SUCLG2: variants seen among roughly 807,000 people sequenced by gnomAD.
The protein encoded by SUCLG2 is succinate--CoA ligase [GDP-forming] subunit beta, mitochondrial.
A neutral mutation model predicts 47.9 loss-of-function variants in SUCLG2; 42 were observed. That is an observed-to-expected ratio of 0.88 (90% CI 0.69 to 1.14). SUCLG2 has a LOEUF of 1.14. Among genes scored for constraint, SUCLG2 ranks in the 50% most tolerant of loss-of-function variants. The probability of loss-of-function intolerance (pLI) is 0.00; values close to 1 mark genes in which losing one functional copy is unlikely to be tolerated. For synonymous variants in SUCLG2, 195 were observed against 197.3 expected (o/e 0.99, Z 0.10); for missense variants, 571 against 525.9 (o/e 1.09, Z -0.84).
intron 9 of SUCLG2, among the ~76,000 whole-genome samples, chr3:67,434,467 C>T (rs1188817739): frequency 6.6e-6 from 1 of 152,126 alleles, no homozygotes; most frequent in African/African-American, 2.4e-5. Flanking sequence ...GTTGAGACTG[C>T]AGTGTGTGGT....
Position 67,630,897 on chromosome 3 carries a change from C to T in SUCLG2, c.85-21301G>A, listed in dbSNP as rs370961490. On this transcript the variant is annotated intron_variant, in intron 1 of 10. Transcript: ENST00000307227. Reference sequence around the variant, plus strand: ...TTTTACTGTAATGCAGCCATGCCTGCCCCTTTATGTACTGTCTATTGCTGC... The same window carrying T: ...TTTTACTGTAATGCAGCCATGCCTGTCCCTTTATGTACTGTCTATTGCTGC... Among the ~76,000 whole-genome samples, 14 of 152,354 alleles carry T rather than the reference C, an allele frequency of 9.2e-5. 1 individual carries two copies. In the East Asian group the frequency reaches 2.5e-3, roughly 27 times the overall value.
At chr3:67,465,391 G>A (rs889693121) in intron 9 of SUCLG2, among the ~76,000 whole-genome samples, 1 of 152,134 alleles carries the variant, frequency 6.6e-6, no homozygotes. Context: ...TTGCTTTTCC[G>A]CTGCTCTTTT....
chr3:67,513,336 T>G (rs974427655), intron 6 of SUCLG2, among the ~76,000 whole-genome samples: 1 of 152,258 alleles, frequency 6.6e-6, no homozygotes, highest in Non-Finnish European at 1.5e-5. Flanking sequence ...ATTAATCCCA[T>G]TGTAATTATA....
chr3:67,380,104 C>A (rs1385968304), intron 10 of SUCLG2, among the ~76,000 whole-genome samples: 1 of 151,946 alleles, frequency 6.6e-6, no homozygotes, highest in African/African-American at 2.4e-5. Context: ...GCTGTCCTAA[C>A]AACCCTTTCC....
intron 2 of SUCLG2, among the ~76,000 whole-genome samples, chr3:67,594,674 T>C (rs1708252268): frequency 6.6e-6 from 1 of 152,228 alleles, no homozygotes; most frequent in Admixed American, 6.5e-5. Context: ...TTTCTGCATA[T>C]GTTAGTGGAT....
chr3:67,553,029 A>G (rs1707059301), intron 2 of SUCLG2, among the ~76,000 whole-genome samples: 1 of 152,220 alleles, frequency 6.6e-6, no homozygotes. Flanking sequence ...ATTGTTAAAA[A>G]CACCAGAATT....
At chr3:67,391,315 G>A (rs1411727161) in intron 10 of SUCLG2, among the ~76,000 whole-genome samples, 1 of 152,084 alleles carries the variant, frequency 6.6e-6, no homozygotes, top group African/African-American at 2.4e-5. Context: ...ATAAACTGGA[G>A]CCACAAATAG....
intron 2 of SUCLG2, among the ~76,000 whole-genome samples, chr3:67,560,271 A>G (rs531671028): frequency 8.5e-5 from 13 of 152,208 alleles, no homozygotes; most frequent in Non-Finnish European, 1.9e-4. Flanking sequence ...CTTTTAAAAA[A>G]TGAGAAATTT....
chr3:67,427,646 G>C (rs527557953), intron 9 of SUCLG2, among the ~76,000 whole-genome samples: 2 of 152,176 alleles, frequency 1.3e-5, no homozygotes, highest in African/African-American at 4.8e-5. Context: ...CATGGAGCAC[G>C]AGCCGAAGCA....
intron 9 of SUCLG2, among the ~76,000 whole-genome samples, chr3:67,438,236 T>C (rs1244848836): frequency 6.6e-6 from 1 of 152,196 alleles, no homozygotes; most frequent in Non-Finnish European, 1.5e-5. Context: ...AGGAAGTGTT[T>C]AGAGAGAAAT....
At chr3:67,508,724 G>A in intron 7 of SUCLG2, 83 bp downstream of exon 7, 1 of 1,032,094 alleles carries the variant, frequency 9.7e-7, no homozygotes, top group Non-Finnish European at 1.4e-6. Flanking sequence ...CAAAGCTGCT[G>A]CTACAGTCTT....
Position 67,605,621 on chromosome 3 carries a change from C to T in SUCLG2, c.226+3834G>A, listed in dbSNP as rs138397519. Among the ~76,000 whole-genome samples the T allele has an allele frequency of 1.4e-3, 220 of 152,156 alleles. 1 individual carries two copies. The Middle Eastern group carries it at 0.02, about 14-fold the overall frequency. On this transcript the variant is annotated intron_variant, in intron 2 of 10. Coordinates refer to ENST00000307227, the MANE Select transcript of SUCLG2 (RefSeq NM_003848.4). ...CAGGGAGGCCCTCTGTTGGCCATAC[C>T]ACCTTAAGGAGCATCATAGATATGC...
chr3:67,459,759 T>C (rs961370179), intron 9 of SUCLG2, among the ~76,000 whole-genome samples: 3 of 152,212 alleles, frequency 2.0e-5, no homozygotes, highest in Admixed American at 2.0e-4. Context: ...ACACTGGTGG[T>C]AGATAGGCCT....
intron 1 of SUCLG2, among the ~76,000 whole-genome samples, chr3:67,620,751 C>T (rs921368469): frequency 5.9e-5 from 9 of 152,070 alleles, no homozygotes; most frequent in Non-Finnish European, 2.9e-5. Flanking sequence ...AGGCAAAGCA[C>T]AGCAGGCTGA....
intron 2 of SUCLG2, among the ~76,000 whole-genome samples, chr3:67,595,650 TCCATTGTG>T (rs1240599523): frequency 2.8e-4 from 42 of 152,168 alleles, no homozygotes; most frequent in Admixed American, 2.7e-3. Flanking sequence ...TCTGAGAAGC[TCCATTGTG>T]CCTGGGCCTC....
intron 2 of SUCLG2, among the ~76,000 whole-genome samples, chr3:67,591,613 G>A (rs1243794874): frequency 6.6e-6 from 1 of 152,110 alleles, no homozygotes; most frequent in Non-Finnish European, 1.5e-5. Context: ...CTGCCACCAT[G>A]TAAGAAGTGC....
chr3:67,480,859 A>G (rs1302687558), intron 9 of SUCLG2, among the ~76,000 whole-genome samples: 2 of 152,232 alleles, frequency 1.3e-5, no homozygotes, highest in African/African-American at 4.8e-5. Context: ...GAAAGAAGGC[A>G]TCACATTTTA....
intron 6 of SUCLG2, among the ~76,000 whole-genome samples, chr3:67,514,962 C>G (rs1429701193): frequency 2.0e-5 from 3 of 152,116 alleles, no homozygotes; most frequent in Non-Finnish European, 4.4e-5. Flanking sequence ...TTTGATGATC[C>G]AGGATCATCC....
At chr3:67,636,477 C>T (rs11127674) in intron 1 of SUCLG2, among the ~76,000 whole-genome samples, 11,584 of 151,692 alleles carry the variant, frequency 0.076, 1,485 homozygotes, top group African/African-American at 0.27. Context: ...CTCAGCCTCC[C>T]GAGTAGCTGG....
Sources: gnomAD v4.1 joint callset for allele counts (sites outside exome capture counted in the v4.1 genomes callset) on GRCh38, gnomAD v4.1.1 for gene constraint, MANE v1.5 for transcripts, NCBI Gene and HGNC (gene_info 2026-07-23, HGNC 2026-07-21) for gene names.